PEX14: variants seen among roughly 807,000 people sequenced by gnomAD.
PEX14 encodes peroxisomal biogenesis factor 14, also known as peroxisomal membrane protein PEX14.
Under a neutral mutation model 49.5 loss-of-function variants are expected in PEX14, and 15 were observed. The ratio of observed to expected loss-of-function variants is 0.30; its 90% confidence interval spans 0.20 to 0.47. The LOEUF is 0.47. Ranked by LOEUF, PEX14 falls within the 20% of genes least tolerant of loss-of-function variation. PEX14 has a pLI of 1.00. For missense variants in PEX14, 398 were observed against 494.8 expected, an observed-to-expected ratio of 0.80 and a Z score of 1.86; for synonymous variants, 210 against 212.7, an observed-to-expected ratio of 0.99 and a Z score of 0.11.
At chr1:10,585,311 T>G (rs767344519) in intron 3 of PEX14, among the ~76,000 whole-genome samples, 4 of 151,944 alleles carry the variant, frequency 2.6e-5, no homozygotes, top group Non-Finnish European at 5.9e-5. Context: ...TACAAGGTAA[T>G]AGAGAGAAAA....
chr1:10,615,855 C>T (rs1198079866), intron 4 of PEX14, among the ~76,000 whole-genome samples: 1 of 152,210 alleles, frequency 6.6e-6, no homozygotes, highest in Non-Finnish European at 1.5e-5. Context: ...TAGGTGTGCA[C>T]ACAGACTCAC....
At chr1:10,507,257 C>T (rs1299264955) in intron 2 of PEX14, among the ~76,000 whole-genome samples, 2 of 152,332 alleles carry the variant, frequency 1.3e-5, no homozygotes, top group East Asian at 3.9e-4. Context: ...CCTGTGCAGA[C>T]GGGGAGAGCA....
intron 1 of PEX14, among the ~76,000 whole-genome samples, chr1:10,488,595 G>A (rs1641414039): frequency 6.8e-6 from 1 of 146,430 alleles, no homozygotes; most frequent in Non-Finnish European, 1.5e-5. Context: ...TGCCTCCTGG[G>A]TTCACCCCAT....
Position 10,557,535 on chromosome 1 carries a change from G to A in PEX14, c.169+21238G>A, listed in dbSNP as rs542392918. The stretch of plus-strand genomic sequence containing the variant: ...CTGGAGGTGGAGTTTGCAGTGACCT[G>A]AGATCGTGCCACTGCACTTCAGGCT... On this transcript the variant is annotated intron_variant, in intron 3 of 8. Coordinates refer to ENST00000356607, the MANE Select transcript of PEX14 (RefSeq NM_004565.3). Among the ~76,000 whole-genome samples the A allele has an allele frequency of 1.7e-4, 26 of 152,330 alleles. No homozygotes were observed. In the South Asian group the frequency reaches 5.2e-3, roughly 30 times the overall value.
At chr1:10,490,989 C>T (rs1641461093) in intron 1 of PEX14, among the ~76,000 whole-genome samples, 1 of 151,744 alleles carries the variant, frequency 6.6e-6, no homozygotes. Flanking sequence ...ACCACCATGC[C>T]CGGCCTTGTT....
At position 10,550,100 on chromosome 1, in the gene PEX14, A is replaced by C. The variant is rs72870923; in HGVS notation, c.169+13803A>C. ...TGGAAGCAGACTCCACAGAAATATG[A>C]ACAAACAAGCAAAATACAGATAAGC... On this transcript the variant is annotated intron_variant, in intron 3 of 8. Transcript: ENST00000356607. 5.9e-3 allele frequency among the ~76,000 whole-genome samples: 904 copies of C among 152,324 alleles called. 7 individuals are homozygous for C. Among genetic ancestry groups the C allele is most frequent in the African/African-American group, 0.02 (849 of 41,554 alleles).
At chr1:10,587,363 G>A (rs1441418698) in intron 3 of PEX14, among the ~76,000 whole-genome samples, 8 of 152,242 alleles carry the variant, frequency 5.3e-5, no homozygotes, top group Non-Finnish European at 1.0e-4. Flanking sequence ...GCTGAGGCAC[G>A]AGAATTGCTT....
intron 2 of PEX14, among the ~76,000 whole-genome samples, chr1:10,521,005 A>C (rs530371021): frequency 7.1e-6 from 1 of 140,244 alleles, no homozygotes; most frequent in Non-Finnish European, 1.6e-5. Context: ...AACATTTTGA[A>C]CTTTCCTTTT....
At chr1:10,563,612 C>T (rs1383828740) in intron 3 of PEX14, among the ~76,000 whole-genome samples, 5 of 145,946 alleles carry the variant, frequency 3.4e-5, no homozygotes, top group African/African-American at 5.1e-5. Flanking sequence ...GCAACAAGAG[C>T]GAAACTCCGT....
In PEX14 at chr1:10,512,553, C is replaced by T. The variant is rs999077929; in HGVS notation, c.84+17232C>T. Among the ~76,000 whole-genome samples the T allele has an allele frequency of 6.6e-5, 10 of 152,148 alleles. No homozygotes were observed. Among genetic ancestry groups the T allele is most frequent in the Admixed American group, 5.2e-4 (8 of 15,276 alleles). On this transcript the variant is annotated intron_variant, in intron 2 of 8. Coordinates refer to ENST00000356607, the MANE Select transcript of PEX14 (RefSeq NM_004565.3). This position sits in a 1 kb window ranked among gnomAD's most constrained non-coding sequence, Gnocchi z 4.6. ...GTTGGTTGGAAACCTGCACTGGCGT[C>T]GGTGGTTATATTCCACATTTGTCAA...
intron 3 of PEX14, among the ~76,000 whole-genome samples, chr1:10,575,529 A>G (rs1640095258): frequency 6.6e-6 from 1 of 152,224 alleles, no homozygotes; most frequent in Non-Finnish European, 1.5e-5. Flanking sequence ...CAGAAATCAC[A>G]TAGCCCCTGC....
At chr1:10,590,288 G>T (rs762373282) in intron 3 of PEX14, among the ~76,000 whole-genome samples, 2 of 152,224 alleles carry the variant, frequency 1.3e-5, no homozygotes. Context: ...CAGGGTTAGC[G>T]TGGAGCTCAA....
Position 10,579,520 on chromosome 1 carries a change from G to C in PEX14, c.170-19718G>C, listed in dbSNP as rs1329262648. Among the ~76,000 whole-genome samples, 3 of 152,142 alleles carry C rather than the reference G, an allele frequency of 2.0e-5. No individual in the cohort carries two copies. The East Asian group carries it at 5.8e-4, about 29-fold the overall frequency. On this transcript the variant is annotated intron_variant, in intron 3 of 8. Coordinates refer to ENST00000356607, the MANE Select transcript of PEX14 (RefSeq NM_004565.3). ...ACAAGAAAGAATTCTGGGCGAGTCTGCGGTGCAAAGTGAAAGCAAGGTTAT... is the reference window on the plus strand; with the variant it reads ...ACAAGAAAGAATTCTGGGCGAGTCTCCGGTGCAAAGTGAAAGCAAGGTTAT...
chr1:10,617,674 C>A (rs1306624982), intron 4 of PEX14, among the ~76,000 whole-genome samples: 5 of 152,098 alleles, frequency 3.3e-5, no homozygotes, highest in Admixed American at 1.3e-4. Flanking sequence ...AGGGCTCCTC[C>A]AAGGCCCTGC....
rs376458269 is a variant in PEX14, at chr1:10,592,319, C to T, written c.170-6919C>T. Among the ~76,000 whole-genome samples, 65 of 152,092 alleles carry T rather than the reference C, an allele frequency of 4.3e-4. 1 individual carries two copies. The highest frequency in any genetic ancestry group is 1.7e-3 in the East Asian group (9 of 5,172). On this transcript the variant is annotated intron_variant, in intron 3 of 8. Coordinates refer to ENST00000356607, the MANE Select transcript of PEX14 (RefSeq NM_004565.3). ...GACCTGCTGTCTGTGGCAGCCGCAACGATATTTGTCCTGCTATTAATCCTC... is the reference window on the plus strand; with the variant it reads ...GACCTGCTGTCTGTGGCAGCCGCAATGATATTTGTCCTGCTATTAATCCTC...
intron 2 of PEX14, among the ~76,000 whole-genome samples, chr1:10,511,208 T>C (rs1641876936): frequency 6.6e-6 from 1 of 152,262 alleles, no homozygotes; most frequent in African/African-American, 2.4e-5. Flanking sequence ...AGCTTTAAAC[T>C]GTAAATGCCA....
intron 4 of PEX14, among the ~76,000 whole-genome samples, chr1:10,610,370 TATACACACAC>T (rs1233723388): frequency 3.0e-5 from 3 of 98,564 alleles, no homozygotes; most frequent in South Asian, 3.9e-4. Context: ...TATATATATA[TATACACACAC>T]ACACACACAC....
At chr1:10,485,688 ATG>A (rs1641355621) in intron 1 of PEX14, among the ~76,000 whole-genome samples, 1 of 150,552 alleles carries the variant, frequency 6.6e-6, no homozygotes, top group South Asian at 2.1e-4. Context: ...CAATGCTACT[ATG>A]TAGAAATAAA....
chr1:10,497,521 G>A (rs999218941), intron 2 of PEX14, among the ~76,000 whole-genome samples: 1 of 151,996 alleles, frequency 6.6e-6, no homozygotes, highest in Non-Finnish European at 1.5e-5. Flanking sequence ...TAATTCACGT[G>A]TTTTACTTTG....
Sources: allele counts gnomAD v4.1 joint callset (sites outside exome capture counted in the v4.1 genomes callset), GRCh38; gene constraint gnomAD v4.1.1; non-coding constraint Gnocchi (gnomAD v3.1); transcripts MANE v1.5; gene names NCBI Gene and HGNC (gene_info 2026-07-23, HGNC 2026-07-21).